PLA2G12B: variants seen among roughly 807,000 people sequenced by gnomAD.
The protein encoded by PLA2G12B is group XIIB secretory phospholipase A2-like protein.
Under a neutral mutation model 22.3 loss-of-function variants are expected in PLA2G12B, and 19 were observed. That is an observed-to-expected ratio of 0.85 (90% CI 0.60 to 1.25). The LOEUF is 1.25. Among genes scored for constraint, PLA2G12B ranks in the 50% most tolerant of loss-of-function variants. The pLI is 0.00. For missense variants in PLA2G12B, 191 were observed against 246.6 expected (o/e 0.77, Z 1.51); for synonymous variants, 81 against 94.9 (o/e 0.85, Z 0.85).
At chr10:72,941,067 G>C (rs1291538132) in intron 3 of PLA2G12B, 102 bp downstream of exon 3, 1 of 1,254,496 alleles carries the variant, frequency 8.0e-7, no homozygotes, top group Non-Finnish European at 1.1e-6. Flanking sequence ...AATATTCAGT[G>C]AGCTCTGATG....
intron 3 of PLA2G12B, among the ~76,000 whole-genome samples, chr10:72,936,967 G>A (rs1036124102): frequency 6.6e-6 from 1 of 152,176 alleles, no homozygotes; most frequent in African/African-American, 2.4e-5. Context: ...TTGGGAGGCC[G>A]AAGCAGGCAG....
At chr10:72,949,920 T>G (rs914953719) in intron 1 of PLA2G12B, among the ~76,000 whole-genome samples, 2 of 151,732 alleles carry the variant, frequency 1.3e-5, no homozygotes, top group Non-Finnish European at 1.5e-5. Flanking sequence ...GAGGTTGCAG[T>G]GAGCCGAGAT....
At chr10:72,951,578 C>T (rs1465319410) in intron 1 of PLA2G12B, among the ~76,000 whole-genome samples, 4 of 151,334 alleles carry the variant, frequency 2.6e-5, no homozygotes, top group South Asian at 4.2e-4. Context: ...CTGCCTCAGC[C>T]TCCCGAGTAG....
chr10:72,942,701 T>C lies in PLA2G12B; in HGVS notation c.251A>G (p.Glu84Gly). Residue 84 changes from glutamate to glycine, a missense_variant, in exon 2 of 4, where the codon GAG becomes GGG. Glu to Gly is a moderately conservative substitution (Grantham distance 98). Coordinates refer to ENST00000373032, the MANE Select transcript of PLA2G12B (RefSeq NM_032562.5). ...PMPRPGYKPQ[E>G]PNGCGSYFLG... ...GAAATAGGAGCCGCAGCCATTGGGC[T>C]CTTGGGGCTTGTAGCCAGGTCTGGG... The C allele has an allele frequency of 6.2e-7, 1 of 1,608,356 alleles. No homozygotes were observed. Among genetic ancestry groups the C allele is most frequent in the Non-Finnish European group, 8.5e-7 (1 of 1,177,370 alleles).
At chr10:72,940,486 A>AGATCGCTTG (rs1554833513) in intron 3 of PLA2G12B, among the ~76,000 whole-genome samples, 3 of 130,322 alleles carry the variant, frequency 2.3e-5, no homozygotes, top group African/African-American at 9.4e-5. Flanking sequence ...TGAGGCGGGC[A>AGATCGCTTG]ACATGGGCAA....
In PLA2G12B at chr10:72,935,361, A is replaced by G. The variant is rs1469759797; in HGVS notation, c.*256T>C. ...TTTTAGTCTTTAAGCTAAGAACTGA[A>G]TTTCCAGGCAAATGTGTCTTGGTTG... On this transcript the variant is annotated 3_prime_UTR_variant, in exon 4 of 4. Transcript: ENST00000373032. The G allele has an allele frequency of 2.7e-6, 1 of 369,604 alleles. No homozygotes were observed. Among genetic ancestry groups the G allele is most frequent in the African/African-American group, 2.1e-5 (1 of 48,224 alleles). 22.9% of individuals were successfully genotyped at this position (369,604 alleles called of 1,614,324 possible). A position where few individuals can be genotyped will look rare whatever the true frequency, so the allele number is the denominator to read the frequency against.
intron 1 of PLA2G12B, among the ~76,000 whole-genome samples, chr10:72,948,597 G>C (rs1846479356): frequency 6.6e-6 from 1 of 152,134 alleles, no homozygotes; most frequent in Admixed American, 6.6e-5. Flanking sequence ...CTGTTTATAG[G>C]AGTGAGAGGC....
chr10:72,953,643 TC>T (rs1846568456), intron 1 of PLA2G12B, among the ~76,000 whole-genome samples: 2 of 152,168 alleles, frequency 1.3e-5, no homozygotes, highest in Admixed American at 1.3e-4. Flanking sequence ...GGCCTGGGGC[TC>T]CACATTTTGC....
rs1846590503 is a variant in PLA2G12B, at chr10:72,954,641, C to A, written c.45G>T (p.Gly15=). ...SGFLVLWLSL[G]GGLAQSDTSP... ...TCGTGTCGCTCTGAGCCAGGCCACCCCCAAGGCTGAGCCACAAAACCAAGA... is the reference window on the plus strand; with the variant it reads ...TCGTGTCGCTCTGAGCCAGGCCACCACCAAGGCTGAGCCACAAAACCAAGA... The change falls in exon 1 of 4, where the codon GGG becomes GGT. Residue 15 remains glycine, a synonymous_variant. Transcript: ENST00000373032. 5 of 1,614,128 alleles carry A rather than the reference C, an allele frequency of 3.1e-6. No homozygotes were observed. The highest frequency in any genetic ancestry group is 3.4e-6 in the Non-Finnish European group (4 of 1,180,028).
chr10:72,953,822 G>A (rs1020038579), intron 1 of PLA2G12B, among the ~76,000 whole-genome samples: 38 of 152,196 alleles, frequency 2.5e-4, no homozygotes, highest in African/African-American at 8.9e-4. Flanking sequence ...ACAGCCCCGG[G>A]ATCCCTGGTG....
intron 1 of PLA2G12B, among the ~76,000 whole-genome samples, chr10:72,947,896 G>A (rs1489604719): frequency 1.3e-5 from 2 of 152,006 alleles, no homozygotes; most frequent in Admixed American, 6.6e-5. Flanking sequence ...CTCTTCTTAC[G>A]AGGACACTAG....
In PLA2G12B at chr10:72,954,209, C is replaced by A. The variant is rs1846579449; in HGVS notation, c.211+266G>T. On this transcript the variant is annotated intron_variant, in intron 1 of 3. Transcript: ENST00000373032. ...TTTCCCAGATACAATACAGGAAGCT[C>A]AGTGAAATGTGAGTTTGAGATAAAC... is the stretch of plus-strand genomic sequence containing the variant. 2.6e-5 allele frequency among the ~76,000 whole-genome samples: 4 copies of A among 152,100 alleles called. No individual in the cohort carries two copies. The South Asian group carries it at 6.2e-4, about 24-fold the overall frequency.
At chr10:72,941,925 A>G (rs1168295324) in intron 2 of PLA2G12B, among the ~76,000 whole-genome samples, 1 of 151,976 alleles carries the variant, frequency 6.6e-6, no homozygotes, top group Admixed American at 6.6e-5. Flanking sequence ...ACACACACCC[A>G]TCATTACTAA....
intron 1 of PLA2G12B, among the ~76,000 whole-genome samples, 157 bp downstream of exon 1, chr10:72,954,318 A>G (rs971675761): frequency 2.6e-5 from 4 of 152,312 alleles, no homozygotes; most frequent in Admixed American, 1.3e-4. Flanking sequence ...GTTTATTTGG[A>G]TTTCACATTT....
chr10:72,946,263 T>A (rs895727945), intron 1 of PLA2G12B, among the ~76,000 whole-genome samples: 3 of 152,242 alleles, frequency 2.0e-5, no homozygotes, highest in African/African-American at 4.8e-5. Context: ...TCTGGTTTCA[T>A]ACATGTTGTA....
At chr10:72,953,810 G>A (rs941179655) in intron 1 of PLA2G12B, among the ~76,000 whole-genome samples, 2 of 152,130 alleles carry the variant, frequency 1.3e-5, no homozygotes, top group African/African-American at 4.8e-5. Flanking sequence ...CAAGTCCAGG[G>A]GACAGCCCCG....
chr10:72,939,484 C>A (rs992772677), intron 3 of PLA2G12B, among the ~76,000 whole-genome samples: 18 of 152,152 alleles, frequency 1.2e-4, no homozygotes, highest in African/African-American at 3.9e-4. Context: ...CAGAATGGAA[C>A]CTGTGTTTTG....
intron 1 of PLA2G12B, among the ~76,000 whole-genome samples, chr10:72,950,629 G>A (rs1369131704): frequency 2.0e-5 from 3 of 152,020 alleles, no homozygotes; most frequent in African/African-American, 7.2e-5. Context: ...TACAGGGCGC[G>A]CCACCACGCC....
At chr10:72,939,383 C>T (rs1274207065) in intron 3 of PLA2G12B, among the ~76,000 whole-genome samples, 1 of 151,592 alleles carries the variant, frequency 6.6e-6, no homozygotes, top group Non-Finnish European at 1.5e-5. Context: ...CATTTCTGAG[C>T]CTACTGAGGC....
Sources: allele counts gnomAD v4.1 joint callset (sites outside exome capture counted in the v4.1 genomes callset), GRCh38; gene constraint gnomAD v4.1.1; transcripts MANE v1.5; gene names NCBI Gene and HGNC (gene_info 2026-07-23, HGNC 2026-07-21).